Variants in IQCM observed in about 807,000 individuals in gnomAD.
The protein encoded by IQCM is IQ domain-containing protein M.
IQCM carries 45 observed loss-of-function variants against 57.6 expected under a neutral mutation model. That is an observed-to-expected ratio of 0.78 (90% confidence interval 0.62 to 1.00). The LOEUF (loss-of-function observed/expected upper bound fraction) is 1.00. Among genes scored for constraint, IQCM ranks in the 50% least tolerant of loss-of-function variants. The pLI is 0.00. For synonymous variants in IQCM, 148 were observed against 158.9 expected (o/e 0.93, Z 0.51); for missense variants, 468 against 511.6 (o/e 0.91, Z 0.82).
At chr4:149,688,968 C>T (rs1485221236) in intron 5 of IQCM, among the ~76,000 whole-genome samples, 4 of 152,036 alleles carry the variant, frequency 2.6e-5, no homozygotes, top group African/African-American at 9.7e-5. Context: ...GGATTAAGGG[C>T]TTAAATCTAA....
intron 2 of IQCM, among the ~76,000 whole-genome samples, chr4:149,792,723 A>T (rs1162151816): frequency 1.3e-5 from 2 of 152,154 alleles, no homozygotes; most frequent in South Asian, 4.1e-4. Flanking sequence ...ATTAACTCCT[A>T]TGCTTACTGT....
chr4:149,481,739 A>G (rs1192142774), intron 12 of IQCM, among the ~76,000 whole-genome samples: 1 of 11,418 alleles, frequency 8.8e-5, no homozygotes, highest in African/African-American at 2.4e-4. Context: ...TGCTTAGGAC[A>G]GCTTTGGCTA....
chr4:149,378,827 T>C (rs1730875844), intron 13 of IQCM, among the ~76,000 whole-genome samples: 1 of 152,184 alleles, frequency 6.6e-6, no homozygotes, highest in African/African-American at 2.4e-5. Context: ...ATGGGGAGAA[T>C]GTCTCCAGGG....
intron 5 of IQCM, among the ~76,000 whole-genome samples, chr4:149,690,618 T>C (rs1474531260): frequency 3.9e-5 from 6 of 152,072 alleles, no homozygotes; most frequent in Non-Finnish European, 5.9e-5. Context: ...AAAATGTGCA[T>C]AGATTATGTG....
intron 12 of IQCM, among the ~76,000 whole-genome samples, chr4:149,494,071 C>T (rs1742395198): frequency 6.6e-6 from 1 of 150,962 alleles, no homozygotes; most frequent in South Asian, 2.1e-4. Flanking sequence ...TTTGCACTTT[C>T]CACTTCACAA....
At chr4:149,590,311 G>A (rs1177923085) in intron 8 of IQCM, among the ~76,000 whole-genome samples, 1 of 142,758 alleles carries the variant, frequency 7.0e-6, no homozygotes, top group Non-Finnish European at 1.5e-5. Flanking sequence ...TGTTATAAGG[G>A]GTCTGGTGTT....
At chr4:149,803,699 A>G (rs1773820337) in intron 2 of IQCM, among the ~76,000 whole-genome samples, 1 of 151,946 alleles carries the variant, frequency 6.6e-6, no homozygotes, top group South Asian at 2.1e-4. Flanking sequence ...ATCTGGCTAG[A>G]AGTTTATCTG....
intron 12 of IQCM, among the ~76,000 whole-genome samples, chr4:149,542,373 T>A (rs1747936409): frequency 6.6e-6 from 1 of 152,136 alleles, no homozygotes. Context: ...CAGGCAGCTC[T>A]TGCTATCAAG....
intron 12 of IQCM, among the ~76,000 whole-genome samples, chr4:149,479,842 G>T (rs1215530647): frequency 1.3e-5 from 2 of 152,160 alleles, no homozygotes; most frequent in Non-Finnish European, 2.9e-5. Flanking sequence ...TGCATAGGGA[G>T]CCCAAGACAG....
At chr4:149,682,085 GT>G in intron 7 of IQCM, 32 bp downstream of exon 7, 1 of 821,690 alleles carries the variant, frequency 1.2e-6, no homozygotes, top group Non-Finnish European at 1.6e-6. Context: ...GAAAATCAAT[GT>G]GCTGCTACCA....
chr4:149,476,395 A>G (rs908075283), intron 12 of IQCM, among the ~76,000 whole-genome samples: 2 of 152,272 alleles, frequency 1.3e-5, no homozygotes, highest in Admixed American at 6.5e-5. Flanking sequence ...AAGGATTTGT[A>G]TTACAATATG....
At chr4:149,686,253 A>G in intron 6 of IQCM, 125 bp downstream of exon 6, 6 of 420,690 alleles carry the variant, frequency 1.4e-5, no homozygotes, top group Non-Finnish European at 1.6e-5. Flanking sequence ...CAAGCGGAAC[A>G]ATAAATTAGC....
intron 7 of IQCM, among the ~76,000 whole-genome samples, chr4:149,665,616 T>G (rs1760652565): frequency 6.6e-6 from 1 of 152,166 alleles, no homozygotes; most frequent in Non-Finnish European, 1.5e-5. Flanking sequence ...CAACTCCAGT[T>G]GGCCATGCTA....
intron 12 of IQCM, among the ~76,000 whole-genome samples, chr4:149,444,404 T>A (rs947653320): frequency 6.6e-6 from 1 of 151,972 alleles, no homozygotes; most frequent in Non-Finnish European, 1.5e-5. Context: ...ATTGGAGATA[T>A]AGTAAACAGT....
chr4:149,354,374 A>AC (rs371193412), intron 13 of IQCM, among the ~76,000 whole-genome samples: 24,231 of 132,302 alleles, frequency 0.18, 3,950 homozygotes, highest in Non-Finnish European at 0.25. Context: ...AAAAAAAAAA[A>AC]AAAAAAAAAA....
intron 12 of IQCM, among the ~76,000 whole-genome samples, chr4:149,478,714 G>A (rs1042309926): frequency 2.0e-5 from 3 of 152,114 alleles, no homozygotes; most frequent in African/African-American, 7.2e-5. Flanking sequence ...CATGAGGCAA[G>A]CAGGAACGAT....
intron 2 of IQCM, among the ~76,000 whole-genome samples, chr4:149,807,961 T>C (rs980342858): frequency 1.3e-5 from 2 of 152,150 alleles, no homozygotes; most frequent in Admixed American, 1.3e-4. Context: ...ACTTTTACAC[T>C]ATCAATAGGA....
chr4:149,583,568 C>T lies in IQCM; in HGVS notation c.749+4362G>A, dbSNP rs144013509. 6.3e-4 allele frequency among the ~76,000 whole-genome samples: 95 copies of T among 151,654 alleles called. 1 individual carries two copies. The East Asian group carries it at 0.017, about 27-fold the overall frequency. On this transcript the variant is annotated intron_variant, in intron 9 of 13. Coordinates refer to ENST00000636793, the MANE Select transcript of IQCM (RefSeq NM_001363507.2). ...GTCATAGTAATCTACAAAGCATTAG[C>T]AGCTCACTGCAAAAAAATACATCAA...
At chr4:149,810,835 C>T (rs1325474353) in intron 2 of IQCM, among the ~76,000 whole-genome samples, 1 of 152,150 alleles carries the variant, frequency 6.6e-6, no homozygotes, top group Non-Finnish European at 1.5e-5. Context: ...ATCATGTGAT[C>T]ACCCTAGCTA....
Sources: allele counts gnomAD v4.1 joint callset (sites outside exome capture counted in the v4.1 genomes callset), GRCh38; gene constraint gnomAD v4.1.1; transcripts MANE v1.5; gene names NCBI Gene and HGNC (gene_info 2026-07-23, HGNC 2026-07-21).